The following SH3BGRL2 variants were observed in gnomAD, a reference collection of about 807,000 sequenced individuals.
SH3BGRL2 encodes the protein SH3 domain-binding glutamic acid-rich-like protein 2.
Under a neutral mutation model 14.8 loss-of-function variants are expected in SH3BGRL2, and 21 were observed. The observed-to-expected ratio is 1.42, with a 90% CI of 1.01 to 2.05. The LOEUF is 2.05. Ranked by LOEUF, SH3BGRL2 falls within the 30% of genes most tolerant of loss-of-function variation. The pLI, the probability that SH3BGRL2 is intolerant of heterozygous loss-of-function variation, is 0.00. For missense variants in SH3BGRL2, 147 were observed against 130.8 expected (o/e 1.12, Z -0.61); for synonymous variants, 50 against 47.8 (o/e 1.05, Z -0.19).
At position 79,662,933 on chromosome 6, in the gene SH3BGRL2, C is replaced by G. The variant is rs1235919011; in HGVS notation, c.46-10681C>G. Among the ~76,000 whole-genome samples the G allele has an allele frequency of 1.3e-5, 2 of 152,154 alleles. 1 individual carries two copies. Among genetic ancestry groups the G allele is most frequent in the African/African-American group, 4.8e-5 (2 of 41,416 alleles). ...ACTGATATCCTTTCTTCCACTTGATCAAATCGGCTGTTGAAGCTTATGCAT... is the reference window on the plus strand; with the variant it reads ...ACTGATATCCTTTCTTCCACTTGATGAAATCGGCTGTTGAAGCTTATGCAT... On this transcript the variant is annotated intron_variant, in intron 1 of 3. Coordinates refer to ENST00000369838, the MANE Select transcript of SH3BGRL2 (RefSeq NM_031469.4).
rs200836376 is a variant in SH3BGRL2 at position 79,673,647 on chromosome 6, C to T, written c.79C>T (p.Leu27=). 6 of 1,614,022 alleles carry T rather than the reference C, an allele frequency of 3.7e-6. No homozygotes were observed. Among genetic ancestry groups the T allele is most frequent in the Admixed American group, 3.3e-5 (2 of 60,010 alleles). The change falls in exon 2 of 4, where the codon CTG becomes TTG. Residue 27 remains leucine (L), a synonymous_variant. Coordinates refer to ENST00000369838, the MANE Select transcript of SH3BGRL2 (RefSeq NM_031469.4). ...KKKQQDVVRF[L]EANKIEFEEV... Reference sequence around the variant, plus strand: ...GAAGCAGCAAGATGTGGTTAGATTTCTGGAAGCCAACAAGATAGAGTTTGA... The same window carrying T: ...GAAGCAGCAAGATGTGGTTAGATTTTTGGAAGCCAACAAGATAGAGTTTGA...
intron 1 of SH3BGRL2, among the ~76,000 whole-genome samples, chr6:79,647,861 C>A (rs1261622340): frequency 6.6e-6 from 1 of 151,988 alleles, no homozygotes; most frequent in Admixed American, 6.6e-5. Flanking sequence ...TTGTCAAATA[C>A]ATAAATTTGA....
rs61348674 is a variant in SH3BGRL2, at chr6:79,673,623, A to G, written c.55A>G (p.Lys19Glu). Reference sequence around the variant, plus strand: ...TGTCTTCTCTCTTTAGATAAAGAAGAAGCAGCAAGATGTGGTTAGATTTCT... The same window carrying G: ...TGTCTTCTCTCTTTAGATAAAGAAGGAGCAGCAAGATGTGGTTAGATTTCT... ...SSSGFVAIKK[K>E]QQDVVRFLEA... is the part of the protein sequence containing the mutation. Residue 19 changes from lysine to glutamate, a missense_variant, in exon 2 of 4, where the codon AAG (lysine) becomes GAG (glutamate). Physicochemically the swap from Lys to Glu is moderately conservative, Grantham distance 56. Transcript: ENST00000369838. 1 of 1,613,896 alleles carries G rather than the reference A, an allele frequency of 6.2e-7. No homozygotes were observed. Among genetic ancestry groups the G allele is most frequent in the African/African-American group, 1.3e-5 (1 of 74,966 alleles).
At chr6:79,631,322 G>A, upstream of SH3BGRL2, 1 of 694,426 alleles carries the variant, frequency 1.4e-6, no homozygotes, top group Non-Finnish European at 2.1e-6. Context: ...CCCGCCGGGA[G>A]GGAGCCAGAT....
intron 1 of SH3BGRL2, among the ~76,000 whole-genome samples, chr6:79,656,976 G>A (rs1418491095): frequency 6.6e-6 from 1 of 152,182 alleles, no homozygotes; most frequent in Non-Finnish European, 1.5e-5. Flanking sequence ...TTAGACTTAG[G>A]GGTGTGTGTA....
chr6:79,614,408 A>G, the SH3BGRL2 span, among the ~76,000 whole-genome samples: 1 of 152,140 alleles, frequency 6.6e-6, no homozygotes, highest in Admixed American at 6.5e-5. Context: ...TCTGGATTAC[A>G]AAAGGGATTT....
At chr6:79,617,190 C>CA in the SH3BGRL2 span, among the ~76,000 whole-genome samples, 30 of 65,702 alleles carry the variant, frequency 4.6e-4, no homozygotes, top group Admixed American at 1.1e-3. Flanking sequence ...CGTCTCAAAA[C>CA]AAAAAAAAGA....
the SH3BGRL2 span, among the ~76,000 whole-genome samples, chr6:79,558,686 G>A: frequency 2.0e-5 from 3 of 150,368 alleles, no homozygotes; most frequent in Non-Finnish European, 2.9e-5. Flanking sequence ...GCAACATGGC[G>A]AAACCCCATC....
At chr6:79,688,356 A>G (rs138018025) in intron 2 of SH3BGRL2, among the ~76,000 whole-genome samples, 3 of 152,316 alleles carry the variant, frequency 2.0e-5, no homozygotes, top group Non-Finnish European at 4.4e-5. Flanking sequence ...AGCAATTGGC[A>G]ATATAAACAA....
At chr6:79,676,637 GTGTA>G (rs1418436257) in intron 2 of SH3BGRL2, among the ~76,000 whole-genome samples, 1,668 of 130,846 alleles carry the variant, frequency 0.013, 23 homozygotes, top group African/African-American at 0.04. Context: ...GTGTGTGTGT[GTGTA>G]TATATATATA....
chr6:79,600,295 C>G, the SH3BGRL2 span, among the ~76,000 whole-genome samples: 2 of 152,146 alleles, frequency 1.3e-5, no homozygotes, highest in Non-Finnish European at 2.9e-5. Flanking sequence ...TTTTTTACTC[C>G]CATGCCACTG....
At chr6:79,666,331 G>A (rs906952348) in intron 1 of SH3BGRL2, among the ~76,000 whole-genome samples, 5 of 152,088 alleles carry the variant, frequency 3.3e-5, no homozygotes, top group East Asian at 3.9e-4. Flanking sequence ...GTAATCTGTC[G>A]GCTTCAGCAG....
chr6:79,612,083 G>A, the SH3BGRL2 span, among the ~76,000 whole-genome samples: 2 of 152,216 alleles, frequency 1.3e-5, no homozygotes, highest in East Asian at 1.9e-4. Context: ...TAATCATGAG[G>A]TCAGGAGTTC....
chr6:79,604,705 C>A, the SH3BGRL2 span, among the ~76,000 whole-genome samples: 1 of 152,104 alleles, frequency 6.6e-6, no homozygotes, highest in Middle Eastern at 3.2e-3. Flanking sequence ...GTGTTGGGGG[C>A]AGATAACTTG....
chr6:79,590,737 C>T, the SH3BGRL2 span, among the ~76,000 whole-genome samples: 2 of 151,842 alleles, frequency 1.3e-5, no homozygotes, highest in Non-Finnish European at 2.9e-5. Context: ...TGCTCAATAC[C>T]TGGGTAATGG....
the SH3BGRL2 span, among the ~76,000 whole-genome samples, chr6:79,591,774 T>A: frequency 6.6e-6 from 1 of 152,228 alleles, no homozygotes; most frequent in Non-Finnish European, 1.5e-5. Flanking sequence ...TTTGAGCAGA[T>A]GTATGTATAC....
chr6:79,626,360 T>A (rs1168853989), upstream of SH3BGRL2, among the ~76,000 whole-genome samples: 1 of 152,198 alleles, frequency 6.6e-6, no homozygotes, highest in Non-Finnish European at 1.5e-5. Flanking sequence ...ATATTTACGT[T>A]CCCTGATTCC....
Position 79,673,742 on chromosome 6 carries a change from A to G in SH3BGRL2, c.174A>G (p.Lys58=). 1 of 1,614,082 alleles carries G rather than the reference A, an allele frequency of 6.2e-7. No homozygotes were observed. The highest frequency in any genetic ancestry group is 8.5e-7 in the Non-Finnish European group (1 of 1,180,010). ...ACAAAAACGTCCCCCCGGAAAAGAA[A>G]CCCACTCAGGGCAACCCCCTGCCAC... ...WMYKNVPPEK[K]PTQGNPLPPQ... is the part of the protein sequence containing the mutation. Residue 58 remains lysine (K), a synonymous_variant, in exon 2 of 4, where the codon AAA becomes AAG. Transcript: ENST00000369838.
At chr6:79,601,267 A>G in the SH3BGRL2 span, among the ~76,000 whole-genome samples, 1 of 152,226 alleles carries the variant, frequency 6.6e-6, no homozygotes, top group African/African-American at 2.4e-5. Context: ...GGCTCACTGC[A>G]GCCTTGATGT....
Sources: allele counts gnomAD v4.1 joint callset (sites outside exome capture counted in the v4.1 genomes callset), GRCh38; gene constraint gnomAD v4.1.1; transcripts MANE v1.5; gene names NCBI Gene and HGNC (gene_info 2026-07-23, HGNC 2026-07-21).